UNC5D: variants seen among roughly 807,000 people sequenced by gnomAD.
The protein encoded by UNC5D is unc-5 netrin receptor D, also known as netrin receptor UNC5D.
A neutral mutation model predicts 105.4 loss-of-function variants in UNC5D; 39 were observed. The observed-to-expected ratio is 0.37, with a 90% CI of 0.29 to 0.48. The LOEUF (loss-of-function observed/expected upper bound fraction) is 0.48, where lower values mean the gene tolerates loss of function less well. Among genes scored for constraint, UNC5D ranks in the 20% least tolerant of loss-of-function variants. The pLI is 0.98. For missense variants in UNC5D, 991 were observed against 1,202.4 expected, an observed-to-expected ratio of 0.82 and a Z score of 2.60; for synonymous variants, 452 against 450.4, an observed-to-expected ratio of 1.00 and a Z score of -0.04.
intron 1 of UNC5D, among the ~76,000 whole-genome samples, chr8:35,262,091 T>C (rs1034160213): frequency 6.6e-6 from 1 of 152,202 alleles, no homozygotes; most frequent in Non-Finnish European, 1.5e-5. Context: ...GTTAAATTTG[T>C]GTACATGCTC....
intron 1 of UNC5D, among the ~76,000 whole-genome samples, chr8:35,415,172 T>C (rs2128961130): frequency 6.6e-6 from 1 of 152,254 alleles, no homozygotes; most frequent in South Asian, 2.1e-4. Context: ...TAGATTTTTC[T>C]TCTAGTGTTT....
chr8:35,608,367 C>T (rs965101855), intron 4 of UNC5D, among the ~76,000 whole-genome samples: 5 of 152,154 alleles, frequency 3.3e-5, no homozygotes, highest in Non-Finnish European at 5.9e-5. Flanking sequence ...GAAAGTATTT[C>T]AGCTACATTA....
intron 8 of UNC5D, among the ~76,000 whole-genome samples, chr8:35,708,040 G>T (rs963772354): frequency 6.6e-6 from 1 of 152,122 alleles, no homozygotes; most frequent in Admixed American, 6.5e-5. Context: ...AGTGAAAGAG[G>T]GGCTTAATGT....
intron 1 of UNC5D, among the ~76,000 whole-genome samples, chr8:35,483,151 G>A (rs538465962): frequency 2.2e-4 from 33 of 152,004 alleles, no homozygotes; most frequent in African/African-American, 8.0e-4. Flanking sequence ...ATGAATTAGA[G>A]AGACTCTGGG....
At chr8:35,592,586 C>A (rs553550596) in intron 3 of UNC5D, among the ~76,000 whole-genome samples, 2 of 152,266 alleles carry the variant, frequency 1.3e-5, no homozygotes, top group African/African-American at 2.4e-5. Flanking sequence ...TATTTAGTAG[C>A]TAACTTGAAT....
intron 1 of UNC5D, among the ~76,000 whole-genome samples, chr8:35,325,791 A>C (rs1187421029): frequency 6.6e-6 from 1 of 152,170 alleles, no homozygotes; most frequent in Non-Finnish European, 1.5e-5. Context: ...ATGGAAAAGG[A>C]TGGAACATTT....
intron 1 of UNC5D, among the ~76,000 whole-genome samples, chr8:35,307,637 T>C (rs1230911181): frequency 1.3e-5 from 2 of 152,146 alleles, no homozygotes; most frequent in East Asian, 3.8e-4. Context: ...ATTTAATTGA[T>C]AGAGTTTGCA....
rs531790358 is a variant in UNC5D, at chr8:35,554,325, G to A, written c.322+4815G>A. ...AAAAAGTACAATTTATTTGACATGAGTTACTGTGTTTGCACAGACAAGGCT... is the reference window on the plus strand; with the variant it reads ...AAAAAGTACAATTTATTTGACATGAATTACTGTGTTTGCACAGACAAGGCT... On this transcript the variant is annotated intron_variant, in intron 2 of 16. Transcript: ENST00000404895. 4.6e-5 allele frequency among the ~76,000 whole-genome samples: 7 copies of A among 152,314 alleles called. No individual in the cohort carries two copies. In the South Asian group the frequency reaches 1.4e-3, roughly 32 times the overall value.
chr8:35,603,979 G>T (rs966710148), intron 4 of UNC5D, among the ~76,000 whole-genome samples: 3 of 152,162 alleles, frequency 2.0e-5, no homozygotes. Context: ...CACACTGATG[G>T]GTCTTGACTC....
chr8:35,321,326 A>T (rs1200799231), intron 1 of UNC5D, among the ~76,000 whole-genome samples: 1 of 152,118 alleles, frequency 6.6e-6, no homozygotes, highest in Non-Finnish European at 1.5e-5. Flanking sequence ...AATCCCCATA[A>T]TACCCATGTA....
At chr8:35,765,479 A>G (rs781499261) in intron 14 of UNC5D, among the ~76,000 whole-genome samples, 4 of 152,208 alleles carry the variant, frequency 2.6e-5, no homozygotes, top group African/African-American at 4.8e-5. Context: ...GCTTATTGCT[A>G]AGATGCATGG....
chr8:35,499,269 G>A (rs368573482), intron 1 of UNC5D, among the ~76,000 whole-genome samples: 7 of 152,216 alleles, frequency 4.6e-5, no homozygotes, highest in Admixed American at 6.5e-5. Flanking sequence ...AGACCTAAGA[G>A]CTGGTAGGCA....
chr8:35,571,917 A>G (rs565937989), intron 3 of UNC5D, among the ~76,000 whole-genome samples: 110 of 152,272 alleles, frequency 7.2e-4, no homozygotes, highest in South Asian at 2.1e-3. Context: ...TTGTTCATTA[A>G]ATTGTTGGAG....
At chr8:35,643,356 C>G (rs1822867441) in intron 4 of UNC5D, among the ~76,000 whole-genome samples, 1 of 152,070 alleles carries the variant, frequency 6.6e-6, no homozygotes, top group Non-Finnish European at 1.5e-5. Context: ...GTTTTAAAAG[C>G]TCTGCAATTG....
At position 35,716,116 on chromosome 8, in the gene UNC5D, G is replaced by A. The variant is rs760093142; in HGVS notation, c.1118-6094G>A. On this transcript the variant is annotated intron_variant, in intron 8 of 16. Transcript: ENST00000404895. The stretch of plus-strand genomic sequence containing the variant: ...TAACCCAGGTGCCGGTATGGAGAGA[G>A]CAGAGAGGAGACGCAAGGAAGAGAC... 7.9e-5 allele frequency among the ~76,000 whole-genome samples: 12 copies of A among 152,180 alleles called. 1 individual carries two copies. The highest frequency in any genetic ancestry group is 1.6e-4 in the Non-Finnish European group (11 of 68,028).
chr8:35,587,281 C>T (rs1169936762), intron 3 of UNC5D, among the ~76,000 whole-genome samples: 1 of 147,356 alleles, frequency 6.8e-6, no homozygotes, highest in African/African-American at 2.6e-5. Flanking sequence ...TTGTACCATT[C>T]AAACACACAC....
At chr8:35,390,836 G>A (rs9987174) in intron 1 of UNC5D, among the ~76,000 whole-genome samples, 8,065 of 152,264 alleles carry the variant, frequency 0.053, 251 homozygotes, top group African/African-American at 0.086. Context: ...TGTCTTCTGA[G>A]CTGTTAAAAG....
intron 9 of UNC5D, 69 bp from the exon 10 acceptor site, chr8:35,726,083 A>G: frequency 6.5e-7 from 1 of 1,530,218 alleles, no homozygotes; most frequent in Non-Finnish European, 8.8e-7. Context: ...CAGTTTGCAG[A>G]GGCAGAAGTA....
chr8:35,485,904 T>C (rs1016010196), intron 1 of UNC5D, among the ~76,000 whole-genome samples: 23 of 152,328 alleles, frequency 1.5e-4, no homozygotes, highest in African/African-American at 5.3e-4. Flanking sequence ...GCACTAGTGT[T>C]GCAGGTATGA....
Sources: allele counts gnomAD v4.1 joint callset (sites outside exome capture counted in the v4.1 genomes callset), GRCh38; gene constraint gnomAD v4.1.1; transcripts MANE v1.5; gene names NCBI Gene and HGNC (gene_info 2026-07-23, HGNC 2026-07-21).